Variants in LMOD1 observed in about 807,000 individuals in gnomAD.
The protein encoded by LMOD1 is leiomodin-1.
A neutral mutation model predicts 36.5 loss-of-function variants in LMOD1; 8 were observed. That is an observed-to-expected ratio of 0.22 (90% CI 0.13 to 0.40). The LOEUF (loss-of-function observed/expected upper bound fraction) is 0.40. Among genes scored for constraint, LMOD1 ranks in the 10% least tolerant of loss-of-function variants. The pLI is 1.00. For synonymous variants in LMOD1, 284 were observed against 288.7 expected (o/e 0.98, Z 0.17); for missense variants, 630 against 751.1 (o/e 0.84, Z 1.88).
Position 201,899,687 on chromosome 1 carries a change from C to T in LMOD1, c.1326G>A (p.Lys442=), listed in dbSNP as rs1372410665. 8 of 1,614,040 alleles carry T rather than the reference C, an allele frequency of 5.0e-6. No homozygotes were observed. The South Asian group carries it at 7.7e-5, about 16-fold the overall frequency. ...KTEMEIAKLL[K]ENTTLLKLGY... The stretch of plus-strand genomic sequence containing the variant: ...CCAGCTTGAGCAGGGTAGTATTCTC[C>T]TTCAGCAGCTTGGCGATCTCCATCT... The change falls in exon 2 of 3, where the codon AAG becomes AAA. Residue 442 remains lysine (K), a synonymous_variant. Coordinates refer to ENST00000367288, the MANE Select transcript of LMOD1 (RefSeq NM_012134.3). The surrounding 1 kb of genome is among the most constrained non-coding windows in gnomAD (Gnocchi z 6.3).
intron 1 of LMOD1, among the ~76,000 whole-genome samples, chr1:201,904,187 C>CTTCT (rs1681374738): frequency 6.6e-6 from 1 of 151,916 alleles, no homozygotes; most frequent in Non-Finnish European, 1.5e-5. Flanking sequence ...TCAATTTAAC[C>CTTCT]TTCTTTCTTT....
At chr1:201,923,062 T>C (rs1035496042) in intron 1 of LMOD1, among the ~76,000 whole-genome samples, 16 of 152,222 alleles carry the variant, frequency 1.1e-4, no homozygotes, top group Admixed American at 1.3e-4. Flanking sequence ...TGACCTCAGG[T>C]GATCCACCCG....
chr1:201,925,199 C>A (rs1206215218), intron 1 of LMOD1, among the ~76,000 whole-genome samples: 1 of 147,554 alleles, frequency 6.8e-6, no homozygotes, highest in African/African-American at 2.5e-5. Flanking sequence ...GCTACAAGAG[C>A]AAAACTCCAG....
chr1:201,922,168 GA>G (rs1681717243), intron 1 of LMOD1, among the ~76,000 whole-genome samples: 1 of 152,124 alleles, frequency 6.6e-6, no homozygotes, highest in Non-Finnish European at 1.5e-5. Context: ...AACCACTTGG[GA>G]AAACAGTCTG....
Position 201,899,252 on chromosome 1 carries a change from G to A in LMOD1, c.1761C>T (p.Leu587=). The change falls in exon 2 of 3, where the codon CTC becomes CTT. Residue 587 remains leucine (L), a synonymous_variant. Transcript: ENST00000367288. The surrounding 1 kb of genome is among the most constrained non-coding windows in gnomAD (Gnocchi z 6.3). Reference sequence around the variant, plus strand: ...AACTACTTAACTTCTTGAGCTGCTTGAGGTTGCTGGAGCGGATGGCAGCCA... The same window carrying A: ...AACTACTTAACTTCTTGAGCTGCTTAAGGTTGCTGGAGCGGATGGCAGCCA... The part of the protein sequence containing the change: ...QLLAAIRSSN[L]KQLKKVEVPK... 6.3e-7 allele frequency: 1 copy of A among 1,594,790 alleles called. No individual in the cohort carries two copies. Among genetic ancestry groups the A allele is most frequent in the South Asian group, 1.1e-5 (1 of 87,916 alleles).
chr1:201,902,725 G>C (rs909126449), intron 1 of LMOD1, among the ~76,000 whole-genome samples: 1 of 151,860 alleles, frequency 6.6e-6, no homozygotes, highest in Non-Finnish European at 1.5e-5. Context: ...GATTACAGGC[G>C]TGAGCCGCCG....
At chr1:201,900,819 A>C in intron 1 of LMOD1, 68 bp from the exon 2 acceptor site, 2 of 1,398,328 alleles carry the variant, frequency 1.4e-6, no homozygotes, top group East Asian at 4.6e-5. Context: ...GAGTATGGGG[A>C]TGTGTGGGGG....
intron 1 of LMOD1, among the ~76,000 whole-genome samples, chr1:201,904,880 G>C (rs781240775): frequency 6.6e-6 from 1 of 152,176 alleles, no homozygotes; most frequent in African/African-American, 2.4e-5. Context: ...CCTCGGAGCC[G>C]GCACATAGCA....
rs73072613 is a variant in LMOD1, at chr1:201,938,675, G to A, written c.261+7405C>T. On this transcript the variant is annotated intron_variant, in intron 1 of 2. Coordinates refer to ENST00000367288, the MANE Select transcript of LMOD1 (RefSeq NM_012134.3). ...GGGGTCCTGCCAGCCCTGCCGGCTT[G>A]ATCTCAAAGGAAGGCCTATTGAAGT... Among the ~76,000 whole-genome samples the A allele has an allele frequency of 9.0e-3, 1,369 of 152,322 alleles. 23 individuals carry two copies. The highest frequency in any genetic ancestry group is 0.031 in the African/African-American group (1,299 of 41,582).
At chr1:201,910,817 C>A (rs1175533685) in intron 1 of LMOD1, among the ~76,000 whole-genome samples, 1 of 116,528 alleles carries the variant, frequency 8.6e-6, no homozygotes, top group East Asian at 2.8e-4. Context: ...TGCAGTGGCA[C>A]AATCTCAGCT....
chr1:201,905,315 C>A (rs1309848140), intron 1 of LMOD1, among the ~76,000 whole-genome samples: 3 of 152,152 alleles, frequency 2.0e-5, no homozygotes, highest in African/African-American at 7.2e-5. Context: ...CTCCTCCAGG[C>A]CTTATGGCTA....
chr1:201,923,404 G>A (rs1681738630), intron 1 of LMOD1, among the ~76,000 whole-genome samples: 1 of 152,126 alleles, frequency 6.6e-6, no homozygotes, highest in Non-Finnish European at 1.5e-5. Flanking sequence ...GTTATGCACA[G>A]TTTGTTGCAA....
chr1:201,911,256 C>T (rs1443580081), intron 1 of LMOD1, among the ~76,000 whole-genome samples: 1 of 152,184 alleles, frequency 6.6e-6, no homozygotes, highest in Non-Finnish European at 1.5e-5. Flanking sequence ...CCAGCATTCC[C>T]TTGGATTTCA....
chr1:201,924,681 GA>G (rs1252319848), intron 1 of LMOD1, among the ~76,000 whole-genome samples: 3 of 35,242 alleles, frequency 8.5e-5, no homozygotes, highest in Non-Finnish European at 3.2e-4. Flanking sequence ...AAGAAAGAAA[GA>G]AAGAAAGAAA....
In LMOD1 at chr1:201,937,415, C is replaced by T. The variant is rs1682036275; in HGVS notation, c.261+8665G>A. Among the ~76,000 whole-genome samples, 5 of 152,120 alleles carry T rather than the reference C, an allele frequency of 3.3e-5. No homozygotes were observed. The South Asian group carries it at 1.0e-3, about 32-fold the overall frequency. On this transcript the variant is annotated intron_variant, in intron 1 of 2. Coordinates refer to ENST00000367288, the MANE Select transcript of LMOD1 (RefSeq NM_012134.3). ...TGAACTGAGATTGCACTACTCTACTCCAGCCTGGGCAACAGAGTAAGATCC... is the reference window on the plus strand; with the variant it reads ...TGAACTGAGATTGCACTACTCTACTTCAGCCTGGGCAACAGAGTAAGATCC...
chr1:201,931,535 C>CAAA (rs11334173), intron 1 of LMOD1, among the ~76,000 whole-genome samples: 3 of 82,396 alleles, frequency 3.6e-5, no homozygotes, highest in Admixed American at 1.4e-4. Context: ...GAGACTCTGT[C>CAAA]AAAAAAAAAA....
At chr1:201,909,912 T>C (rs1428261230) in intron 1 of LMOD1, among the ~76,000 whole-genome samples, 1 of 152,252 alleles carries the variant, frequency 6.6e-6, no homozygotes, top group Non-Finnish European at 1.5e-5. Flanking sequence ...TATGTTATGC[T>C]CTTTGCATTA....
rs931502114 is a variant in LMOD1 at position 201,898,226 on chromosome 1, C to T, written c.*146G>A. 9 of 774,216 alleles carry T rather than the reference C, an allele frequency of 1.2e-5. No individual in the cohort carries two copies. The highest frequency in any genetic ancestry group is 2.7e-4 in the Middle Eastern group (1 of 3,644). 48.0% of individuals were successfully genotyped at this position (774,216 alleles called of 1,614,324 possible). A position where few individuals can be genotyped will look rare whatever the true frequency, so the allele number is the denominator to read the frequency against. ...AAGAGATAAGGCATCCTTCCTTGAG[C>T]GTGACCCAGGCCTGGACTCTCCCAT... On this transcript the variant is annotated 3_prime_UTR_variant, in exon 3 of 3. Coordinates refer to ENST00000367288, the MANE Select transcript of LMOD1 (RefSeq NM_012134.3).
chr1:201,927,317 C>A (rs931246494), intron 1 of LMOD1, among the ~76,000 whole-genome samples: 1 of 152,030 alleles, frequency 6.6e-6, no homozygotes, highest in African/African-American at 2.4e-5. Flanking sequence ...CCTGTAATCC[C>A]GGCACTTTGG....
Sources: gnomAD v4.1 joint callset for allele counts (sites outside exome capture counted in the v4.1 genomes callset) on GRCh38, gnomAD v4.1.1 for gene constraint, Gnocchi (gnomAD v3.1) non-coding constraint, MANE v1.5 for transcripts, NCBI Gene and HGNC (gene_info 2026-07-23, HGNC 2026-07-21) for gene names.